Variants in NELL1 observed in about 807,000 individuals in gnomAD.
NELL1 encodes protein kinase C-binding protein NELL1.
In NELL1, 76 loss-of-function variants were observed where a neutral mutation model predicts 107.4. The observed-to-expected ratio is 0.71, with a 90% CI of 0.59 to 0.86. The LOEUF (loss-of-function observed/expected upper bound fraction) is 0.86. Among genes scored for constraint, NELL1 ranks in the 40% least tolerant of loss-of-function variants. The probability of loss-of-function intolerance (pLI) is 0.00; values close to 1 mark genes in which losing one functional copy is unlikely to be tolerated. For missense variants in NELL1, 1,024 were observed against 1,005.5 expected (o/e 1.02, Z -0.25); for synonymous variants, 353 against 341.2 (o/e 1.03, Z -0.38).
intron 3 of NELL1, among the ~76,000 whole-genome samples, chr11:20,838,241 A>G (rs1848567059): frequency 6.6e-6 from 1 of 150,434 alleles, no homozygotes; most frequent in African/African-American, 2.5e-5. Context: ...TCTGGCCAGT[A>G]CTCCTCAAAA....
intron 15 of NELL1, among the ~76,000 whole-genome samples, chr11:21,472,133 G>A (rs1015065023): frequency 1.7e-4 from 23 of 131,542 alleles, no homozygotes; most frequent in African/African-American, 6.4e-4. Flanking sequence ...AAAGACACAA[G>A]ATTTGCTTTC....
chr11:20,899,309 C>T (rs967891379), intron 5 of NELL1, among the ~76,000 whole-genome samples: 3 of 152,004 alleles, frequency 2.0e-5, no homozygotes, highest in African/African-American at 4.8e-5. Context: ...AGTGCAGTTA[C>T]GTTAGAAATA....
At chr11:21,239,757 T>G (rs1348263603) in intron 14 of NELL1, among the ~76,000 whole-genome samples, 7 of 152,072 alleles carry the variant, frequency 4.6e-5, no homozygotes, top group Non-Finnish European at 8.8e-5. Flanking sequence ...CATCTATCTT[T>G]GTTCTCTTGA....
At chr11:20,694,595 G>T (rs145384521) in intron 2 of NELL1, among the ~76,000 whole-genome samples, 78 of 152,046 alleles carry the variant, frequency 5.1e-4, no homozygotes, top group South Asian at 1.0e-3. Flanking sequence ...TTTTATTTCT[G>T]GATTCTCTAT....
intron 4 of NELL1, among the ~76,000 whole-genome samples, chr11:20,880,631 T>C (rs1399607625): frequency 6.6e-6 from 1 of 152,200 alleles, no homozygotes; most frequent in African/African-American, 2.4e-5. Context: ...AACCTTTCTG[T>C]TTTTCAGTGC....
intron 12 of NELL1, among the ~76,000 whole-genome samples, chr11:21,091,657 T>C (rs1368525340): frequency 2.6e-5 from 4 of 152,204 alleles, no homozygotes; most frequent in Non-Finnish European, 5.9e-5. Context: ...ATCCAATTAT[T>C]TGTCCTTAGT....
intron 12 of NELL1, among the ~76,000 whole-genome samples, chr11:21,043,129 C>T (rs935962590): frequency 1.3e-5 from 2 of 152,066 alleles, no homozygotes; most frequent in African/African-American, 4.8e-5. Context: ...AGAAAATTTG[C>T]CAGTCCCATT....
intron 15 of NELL1, among the ~76,000 whole-genome samples, chr11:21,505,518 C>G (rs1855257491): frequency 6.6e-6 from 1 of 152,172 alleles, no homozygotes; most frequent in South Asian, 2.1e-4. Flanking sequence ...CCTCACCCTA[C>G]TCCTCCATAA....
chr11:20,889,881 A>T (rs989777428), intron 5 of NELL1, among the ~76,000 whole-genome samples: 14 of 152,118 alleles, frequency 9.2e-5, no homozygotes, highest in African/African-American at 3.1e-4. Flanking sequence ...CTAGCGGGAG[A>T]GGTGGCCACA....
intron 15 of NELL1, among the ~76,000 whole-genome samples, chr11:21,487,507 C>T (rs1428237168): frequency 2.0e-5 from 3 of 151,978 alleles, no homozygotes; most frequent in African/African-American, 7.2e-5. Flanking sequence ...ACTCATAAAA[C>T]TGTAATACTG....
rs114369625 is a variant in NELL1 at position 21,437,330 on chromosome 11, T to G, written c.1645+66382T>G. Among the ~76,000 whole-genome samples the G allele has an allele frequency of 3.3e-3, 496 of 152,330 alleles. 1 individual carries two copies. Among genetic ancestry groups the G allele is most frequent in the African/African-American group, 0.012 (480 of 41,590 alleles). On this transcript the variant is annotated intron_variant, in intron 15 of 19. Coordinates refer to ENST00000357134, the MANE Select transcript of NELL1 (RefSeq NM_006157.5). ...TCATATATATTTACAGTTGTTATAT[T>G]CTCTTGCTGAATTGATCACATTTTC...
chr11:21,498,570 G>T (rs954042440), intron 15 of NELL1, among the ~76,000 whole-genome samples: 1 of 151,532 alleles, frequency 6.6e-6, no homozygotes, highest in African/African-American at 2.4e-5. Context: ...AGTGATCAAC[G>T]TTTAAATTGT....
chr11:21,102,400 G>A (rs755993381), intron 12 of NELL1, among the ~76,000 whole-genome samples: 1 of 152,150 alleles, frequency 6.6e-6, no homozygotes, highest in Non-Finnish European at 1.5e-5. Flanking sequence ...ACTGCATGGT[G>A]TAGAGGTTAG....
At chr11:20,827,748 T>C (rs915350190) in intron 3 of NELL1, among the ~76,000 whole-genome samples, 1 of 151,370 alleles carries the variant, frequency 6.6e-6, no homozygotes, top group African/African-American at 2.4e-5. Context: ...GTCCTAGCTC[T>C]GTGCCAAGAA....
In NELL1 at chr11:20,680,361, A is replaced by G. The variant is rs1043417733; in HGVS notation, c.184+2301A>G. On this transcript the variant is annotated intron_variant, in intron 2 of 19. Coordinates refer to ENST00000357134, the MANE Select transcript of NELL1 (RefSeq NM_006157.5). The stretch of plus-strand genomic sequence containing the variant: ...GTATCTCAAAAAGTCTTAATCCATC[A>G]TAGCAACAACTCAAAGATTGAAATC... 7.2e-5 allele frequency among the ~76,000 whole-genome samples: 11 copies of G among 152,160 alleles called. No individual in the cohort carries two copies. The South Asian group carries it at 1.9e-3, about 26-fold the overall frequency.
chr11:21,536,068 G>A lies in NELL1; in HGVS notation c.1786+1554G>A, dbSNP rs1372125429. Among the ~76,000 whole-genome samples the A allele has an allele frequency of 2.0e-5, 3 of 152,058 alleles. No homozygotes were observed. The South Asian group carries it at 6.2e-4, about 32-fold the overall frequency. ...ACTCTTAGATTTTTTAGTGCACAAA[G>A]GACCTTAGAGACCAGCTAGTTAAGC... On this transcript the variant is annotated intron_variant, in intron 16 of 19. Coordinates refer to ENST00000357134, the MANE Select transcript of NELL1 (RefSeq NM_006157.5).
chr11:21,483,507 T>A (rs945735684), intron 15 of NELL1, among the ~76,000 whole-genome samples: 7 of 152,124 alleles, frequency 4.6e-5, no homozygotes, highest in Non-Finnish European at 8.8e-5. Flanking sequence ...ATTGTCTGAA[T>A]CAAGAATGAT....
rs545001335 is a variant in NELL1, at chr11:20,715,142, C to G, written c.184+37082C>G. Among the ~76,000 whole-genome samples, 69 of 151,836 alleles carry G rather than the reference C, an allele frequency of 4.5e-4. 2 individuals are homozygous for G. The South Asian group carries it at 5.6e-3, about 12-fold the overall frequency. On this transcript the variant is annotated intron_variant, in intron 2 of 19. Transcript: ENST00000357134. The stretch of plus-strand genomic sequence containing the variant: ...CGCCTGTAGTCCCAGCTACTCGGGA[C>G]CCTGAGGCAGGAGAATGGCGTGAAC...
intron 12 of NELL1, among the ~76,000 whole-genome samples, chr11:21,042,017 G>A (rs900320223): frequency 2.0e-5 from 3 of 152,182 alleles, no homozygotes; most frequent in East Asian, 1.9e-4. Context: ...TTGAACCATC[G>A]CTAAGTCTTC....
Sources: gnomAD v4.1 joint callset for allele counts (sites outside exome capture counted in the v4.1 genomes callset) on GRCh38, gnomAD v4.1.1 for gene constraint, MANE v1.5 for transcripts, NCBI Gene and HGNC (gene_info 2026-07-23, HGNC 2026-07-21) for gene names.